The following CSMD2 variants were observed in gnomAD, a reference collection of about 807,000 sequenced individuals.
CSMD2 encodes the protein CUB and Sushi multiple domains 2.
CSMD2 carries 130 observed loss-of-function variants against 398.5 expected under a neutral mutation model. The ratio of observed to expected loss-of-function variants is 0.33; its 90% CI spans 0.28 to 0.38. The LOEUF (loss-of-function observed/expected upper bound fraction) is 0.38, where lower values mean the gene tolerates loss of function less well. Among genes scored for constraint, CSMD2 ranks in the 10% least tolerant of loss-of-function variants. The pLI is 1.00. For synonymous variants in CSMD2, 1,828 were observed against 1,908.5 expected (o/e 0.96, Z 1.10); for missense variants, 3,829 against 4,764.9 (o/e 0.80, Z 5.78).
intron 41 of CSMD2, chr1:33,605,727 A>G (rs894628646): frequency 5.0e-6 from 4 of 794,322 alleles, no homozygotes; most frequent in African/African-American, 3.5e-5. Context: ...AGCTCAGTAA[A>G]TAGTATCTAT....
At chr1:33,972,612 G>A (rs760051581) in intron 3 of CSMD2, among the ~76,000 whole-genome samples, 4 of 152,084 alleles carry the variant, frequency 2.6e-5, no homozygotes, top group South Asian at 2.1e-4. Flanking sequence ...ACGGGAGGAC[G>A]GGGCCATAAT....
chr1:33,518,160 C>T lies in CSMD2; in HGVS notation c.*53+1305G>A, dbSNP rs1221703900. 1.3e-5 allele frequency among the ~76,000 whole-genome samples: 2 copies of T among 152,232 alleles called. No homozygotes were observed. The highest frequency in any genetic ancestry group is 1.3e-4 in the Admixed American group (2 of 15,290). ...TCCCCAGAGTCCTTCAGCACAGGAC[C>T]TGAGAGGGGGCACCTGCCTATCCCC... On this transcript the variant is annotated intron_variant, in intron 70 of 70. Transcript: ENST00000373381. This position sits in a 1 kb window ranked among gnomAD's most constrained non-coding sequence, Gnocchi z 4.3.
intron 3 of CSMD2, among the ~76,000 whole-genome samples, chr1:33,963,462 G>A (rs77757389): frequency 6.6e-6 from 1 of 152,108 alleles, no homozygotes; most frequent in Non-Finnish European, 1.5e-5. Flanking sequence ...ACATTTTAAA[G>A]TATGTATACT....
rs184498812 is a variant in CSMD2 at position 34,135,392 on chromosome 1, G to C, written c.187+29519C>G. 2.4e-3 allele frequency among the ~76,000 whole-genome samples: 367 copies of C among 151,968 alleles called. 2 individuals carry two copies. The highest frequency in any genetic ancestry group is 8.6e-3 in the African/African-American group (355 of 41,482). ...TCCCAGCACTTTGGGAGGCCGAGGC[G>C]GGTGGATCATGAGGTCAACAGATCG... On this transcript the variant is annotated intron_variant, in intron 1 of 70. Coordinates refer to ENST00000373381, the MANE Select transcript of CSMD2 (RefSeq NM_001281956.2).
rs201407946 is a variant in CSMD2, at chr1:33,578,591, AC to A, written c.7388-1108del. On this transcript the variant is annotated intron_variant, in intron 48 of 70. Transcript: ENST00000373381. Reference sequence around the variant, plus strand: ...AGACTCTGTCTCAAAAAACAAGCAAACAAAAAAAACAAAACAAAAAATCCCA... The same window carrying A: ...AGACTCTGTCTCAAAAAACAAGCAAAAAAAAAAACAAAACAAAAAATCCCA... Among the ~76,000 whole-genome samples, 759 of 152,164 alleles carry A rather than the reference AC, an allele frequency of 5.0e-3. 2 individuals are homozygous for A. The highest frequency in any genetic ancestry group is 8.7e-3 in the Non-Finnish European group (594 of 67,992).
At chr1:33,621,534 G>A (rs1050402202) in intron 37 of CSMD2, among the ~76,000 whole-genome samples, 17 of 152,152 alleles carry the variant, frequency 1.1e-4, no homozygotes, top group African/African-American at 3.9e-4. Context: ...AATATTTGCC[G>A]AATAAAAGTG....
intron 5 of CSMD2, among the ~76,000 whole-genome samples, chr1:33,891,617 T>C (rs372113271): frequency 1.3e-5 from 2 of 151,980 alleles, no homozygotes; most frequent in South Asian, 4.2e-4. Context: ...TATTGCGGCA[T>C]TATTCACAAT....
At chr1:33,940,620 T>C (rs897456056) in intron 3 of CSMD2, among the ~76,000 whole-genome samples, 83 of 151,970 alleles carry the variant, frequency 5.5e-4, no homozygotes, top group African/African-American at 1.8e-3. Context: ...AACTAGAAAA[T>C]GGCAGAGCTA....
chr1:33,961,919 CATATTCCTTT>C (rs1408324489), intron 3 of CSMD2, among the ~76,000 whole-genome samples: 16 of 152,174 alleles, frequency 1.1e-4, no homozygotes, highest in African/African-American at 3.9e-4. Context: ...CCCAGCCTCA[CATATTCCTTT>C]ATAGCAACAC....
rs138428022 is a variant in CSMD2, at chr1:33,706,083, T to C, written c.3576+3006A>G. Among the ~76,000 whole-genome samples, 32 of 152,288 alleles carry C rather than the reference T, an allele frequency of 2.1e-4. 1 individual carries two copies. In the East Asian group the frequency reaches 6.2e-3, roughly 29 times the overall value. The stretch of plus-strand genomic sequence containing the variant: ...TACATTATTCAAGCTACCCAAATCT[T>C]TATTTATCGTTAAGTTAGGTGATAT... On this transcript the variant is annotated intron_variant, in intron 22 of 70. Transcript: ENST00000373381.
intron 66 of CSMD2, among the ~76,000 whole-genome samples, chr1:33,523,990 A>G (rs58903116): frequency 0.019 from 2,832 of 152,342 alleles, 91 homozygotes; most frequent in African/African-American, 0.061. Flanking sequence ...AGAAAGATTG[A>G]AAATTGGGAA....
intron 5 of CSMD2, among the ~76,000 whole-genome samples, chr1:33,912,307 C>T (rs1464796129): frequency 6.6e-6 from 1 of 152,108 alleles, no homozygotes; most frequent in Non-Finnish European, 1.5e-5. Context: ...AAAACTAACC[C>T]ACAGAGTCAC....
intron 3 of CSMD2, among the ~76,000 whole-genome samples, chr1:34,023,715 C>G (rs190471298): frequency 3.3e-5 from 5 of 152,134 alleles, no homozygotes; most frequent in Admixed American, 3.3e-4. Context: ...AAATGTCACC[C>G]TAGATTCTTT....
At chr1:34,084,584 C>T (rs1266682059) in intron 2 of CSMD2, among the ~76,000 whole-genome samples, 1 of 152,162 alleles carries the variant, frequency 6.6e-6, no homozygotes, top group African/African-American at 2.4e-5. Context: ...TGAACAGACA[C>T]TTCTCAAAAG....
chr1:33,591,107 C>T (rs1381884608), intron 44 of CSMD2, among the ~76,000 whole-genome samples: 2 of 150,068 alleles, frequency 1.3e-5, no homozygotes, highest in Non-Finnish European at 3.0e-5. Flanking sequence ...TCCTGCCTCA[C>T]CCTCCCGAGT....
rs1392904083 is a variant in CSMD2, at chr1:33,636,579, T to C, written c.4775-25A>G. On this transcript the variant is annotated intron_variant, in intron 29 of 70. Transcript: ENST00000373381. This position sits in a 1 kb window ranked among gnomAD's most constrained non-coding sequence, Gnocchi z 4.8. ...TCTGGGAAAAAGAAATACAAACACG[T>C]GCACACACACAGAGGGCTCATGAGG... 1 of 1,605,758 alleles carries C rather than the reference T, an allele frequency of 6.2e-7. No homozygotes were observed. The highest frequency in any genetic ancestry group is 8.5e-7 in the Non-Finnish European group (1 of 1,173,008).
At chr1:33,867,075 A>C (rs549927825) in intron 5 of CSMD2, among the ~76,000 whole-genome samples, 1 of 152,348 alleles carries the variant, frequency 6.6e-6, no homozygotes, top group South Asian at 2.1e-4. Flanking sequence ...ACTTTCTTCT[A>C]ACCCATAGAA....
chr1:33,515,972 CT>C lies in CSMD2; in HGVS notation c.*651del, dbSNP rs1322772698. 5 of 152,170 alleles carry C rather than the reference CT, an allele frequency of 3.3e-5. No homozygotes were observed. The highest frequency in any genetic ancestry group is 1.9e-4 in the East Asian group (1 of 5,192). 9.4% of individuals were successfully genotyped at this position (152,170 alleles called of 1,614,324 possible). On this transcript the variant is annotated 3_prime_UTR_variant, in exon 71 of 71. Transcript: ENST00000373381. ...CTGATTTTCAATCTATTTCCAAAGACTTTTTTCCTGCCCTTGGGGTAATCCT... is the reference window on the plus strand; with the variant it reads ...CTGATTTTCAATCTATTTCCAAAGACTTTTTCCTGCCCTTGGGGTAATCCT...
chr1:33,621,690 A>G (rs1641781786), intron 37 of CSMD2, among the ~76,000 whole-genome samples: 1 of 152,168 alleles, frequency 6.6e-6, no homozygotes, highest in Non-Finnish European at 1.5e-5. Context: ...CTCTGTGAAG[A>G]GTATTTGGTA....
Sources: allele counts gnomAD v4.1 joint callset (sites outside exome capture counted in the v4.1 genomes callset), GRCh38; gene constraint gnomAD v4.1.1; non-coding constraint Gnocchi (gnomAD v3.1); transcripts MANE v1.5; gene names NCBI Gene and HGNC (gene_info 2026-07-23, HGNC 2026-07-21).